PAPPA2: variants seen among roughly 807,000 people sequenced by gnomAD.
The protein encoded by PAPPA2 is pappalysin-2.
A neutral mutation model predicts 176.4 loss-of-function variants in PAPPA2; 86 were observed. The observed-to-expected ratio is 0.49, with a 90% CI of 0.41 to 0.58. PAPPA2 has a LOEUF of 0.58. Among genes scored for constraint, PAPPA2 ranks in the 20% least tolerant of loss-of-function variants. PAPPA2 has a pLI of 0.00. For missense variants in PAPPA2, 2,073 were observed against 2,256.9 expected (o/e 0.92, Z 1.65); for synonymous variants, 809 against 852.2 (o/e 0.95, Z 0.88).
At chr1:176,625,224 T>C (rs1237515059) in intron 3 of PAPPA2, among the ~76,000 whole-genome samples, 1 of 152,126 alleles carries the variant, frequency 6.6e-6, no homozygotes, top group Non-Finnish European at 1.5e-5. Context: ...AAAGCTCCTG[T>C]TCAGATAGTT....
rs772808678 is a variant in PAPPA2 at position 176,726,117 on chromosome 1, CTT to C, written c.3799-13508_3799-13507del. On this transcript the variant is annotated intron_variant, in intron 12 of 22. Transcript: ENST00000367662. ...TCTCTATAACATTCCTGGTGGGAAA[CTT>C]ATATTTTTTTCCTTCTCTGTAAATG... Among the ~76,000 whole-genome samples, 13 of 152,314 alleles carry C rather than the reference CTT, an allele frequency of 8.5e-5. 1 individual carries two copies. The highest frequency in any genetic ancestry group is 1.9e-4 in the African/African-American group (8 of 41,576).
Position 176,775,213 on chromosome 1 carries a change from C to T in PAPPA2, c.4715+4033C>T, listed in dbSNP as rs191221159. ...AGACCATGAATATTTTGCTTAGCAT[C>T]GTGTGCCCAGTGACTAGCTACTTAT... On this transcript the variant is annotated intron_variant, in intron 17 of 22. Coordinates refer to ENST00000367662, the MANE Select transcript of PAPPA2 (RefSeq NM_020318.3). Among the ~76,000 whole-genome samples the T allele has an allele frequency of 2.0e-5, 3 of 152,188 alleles. No individual in the cohort carries two copies. The East Asian group carries it at 5.8e-4, about 29-fold the overall frequency.
chr1:176,651,369 C>T (rs1657709730), intron 3 of PAPPA2, among the ~76,000 whole-genome samples: 1 of 151,348 alleles, frequency 6.6e-6, no homozygotes, highest in African/African-American at 2.4e-5. Context: ...ATCTGTCCTT[C>T]ATATATGAAG....
intron 17 of PAPPA2, among the ~76,000 whole-genome samples, chr1:176,775,042 G>T (rs948373056): frequency 6.6e-6 from 1 of 152,216 alleles, no homozygotes; most frequent in Middle Eastern, 3.4e-3. Context: ...TTTTAGTGCA[G>T]GTATGATGTT....
intron 14 of PAPPA2, among the ~76,000 whole-genome samples, chr1:176,757,286 T>A (rs1023808470): frequency 6.6e-6 from 1 of 152,196 alleles, no homozygotes; most frequent in African/African-American, 2.4e-5. Flanking sequence ...CATCACACTG[T>A]CTTCCACAAT....
chr1:176,780,634 C>T (rs770868596), intron 17 of PAPPA2, among the ~76,000 whole-genome samples: 2 of 152,094 alleles, frequency 1.3e-5, no homozygotes, highest in African/African-American at 2.4e-5. Context: ...TTCATGTCTG[C>T]AGGCAGTGTT....
intron 1 of PAPPA2, among the ~76,000 whole-genome samples, chr1:176,482,171 G>A (rs1652436038): frequency 6.6e-6 from 1 of 152,344 alleles, no homozygotes; most frequent in South Asian, 2.1e-4. Flanking sequence ...AAAGAGGACA[G>A]CCATTCAACG....
At chr1:176,632,422 C>G (rs10737320) in intron 3 of PAPPA2, among the ~76,000 whole-genome samples, 150,911 of 152,226 alleles carry the variant, frequency 0.99, 74,811 homozygotes, top group East Asian at 1. Context: ...GTGAAGACTC[C>G]GGAGGCTGAG....
intron 4 of PAPPA2, among the ~76,000 whole-genome samples, chr1:176,680,595 T>G (rs1023439046): frequency 5.3e-5 from 8 of 152,196 alleles, no homozygotes; most frequent in Non-Finnish European, 1.2e-4. Flanking sequence ...TAGTACAATC[T>G]CACAAACAGG....
intron 15 of PAPPA2, among the ~76,000 whole-genome samples, chr1:176,768,612 T>G (rs1490638165): frequency 1.3e-5 from 2 of 152,180 alleles, no homozygotes; most frequent in Admixed American, 6.5e-5. Context: ...CTCCTTCACA[T>G]GTTTTTGAAC....
In PAPPA2 at chr1:176,556,387, C is replaced by G; in HGVS notation, c.65C>G (p.Ala22Gly). Residue 22 changes from alanine (A) to glycine (G), a missense_variant, in exon 2 of 23, where the codon GCC becomes GGC. Physicochemically the swap from Ala to Gly is moderately conservative, Grantham distance 60 (BLOSUM62 0). Coordinates refer to ENST00000367662, the MANE Select transcript of PAPPA2 (RefSeq NM_020318.3). ...TTGGCTGGGTGGGCACTCTGTTCTG[C>G]CAACTCTGAGCTGGGCTGGACACGC... ...AILAGWALCS[A>G]NSELGWTRKK... 2 of 1,614,148 alleles carry G rather than the reference C, an allele frequency of 1.2e-6. No homozygotes were observed. The highest frequency in any genetic ancestry group is 8.5e-7 in the Non-Finnish European group (1 of 1,180,024).
intron 21 of PAPPA2, among the ~76,000 whole-genome samples, chr1:176,827,826 T>C (rs1666917533): frequency 6.6e-6 from 1 of 152,156 alleles, no homozygotes. Context: ...TATAGTAAAA[T>C]AGATGTTAAT....
chr1:176,557,995 A>G (rs1182591894), intron 2 of PAPPA2, among the ~76,000 whole-genome samples: 1 of 152,224 alleles, frequency 6.6e-6, no homozygotes, highest in Non-Finnish European at 1.5e-5. Flanking sequence ...TGTTTGCACT[A>G]CACACAGATC....
intron 3 of PAPPA2, among the ~76,000 whole-genome samples, chr1:176,597,686 A>T (rs1027952163): frequency 2.6e-5 from 4 of 151,602 alleles, no homozygotes; most frequent in African/African-American, 7.3e-5. Context: ...AGTATAATTT[A>T]AAAAAAAAGA....
At chr1:176,670,818 C>A in intron 3 of PAPPA2, 152 bp from the exon 4 acceptor site, 1 of 863,998 alleles carries the variant, frequency 1.2e-6, no homozygotes, top group Non-Finnish European at 1.8e-6. Context: ...GCCTTTTCTT[C>A]TGGTCTTCAT....
At chr1:176,602,260 G>A (rs12066567) in intron 3 of PAPPA2, among the ~76,000 whole-genome samples, 79,972 of 152,012 alleles carry the variant, frequency 0.53, 23,447 homozygotes, top group African/African-American at 0.79. Flanking sequence ...GTTCGAGGGC[G>A]GAGGACTCTT....
intron 1 of PAPPA2, among the ~76,000 whole-genome samples, chr1:176,519,810 CCAGA>C (rs1649117017): frequency 6.6e-6 from 1 of 152,106 alleles, no homozygotes; most frequent in African/African-American, 2.4e-5. Context: ...ATATTCTTAA[CCAGA>C]CAGTGAAGTT....
At chr1:176,500,432 T>A (rs1647890606) in intron 1 of PAPPA2, among the ~76,000 whole-genome samples, 1 of 150,188 alleles carries the variant, frequency 6.7e-6, no homozygotes, top group Admixed American at 6.7e-5. Context: ...TTCACTGTAA[T>A]TGAATTTTAA....
chr1:176,711,379 C>T (rs2102834994), intron 11 of PAPPA2, among the ~76,000 whole-genome samples: 1 of 152,224 alleles, frequency 6.6e-6, no homozygotes, highest in South Asian at 2.1e-4. Context: ...TGTCTGTCTT[C>T]CCTAAGTGAA....
Sources: gnomAD v4.1 joint callset for allele counts (sites outside exome capture counted in the v4.1 genomes callset) on GRCh38, gnomAD v4.1.1 for gene constraint, MANE v1.5 for transcripts, NCBI Gene and HGNC (gene_info 2026-07-23, HGNC 2026-07-21) for gene names.